XPO4: variants seen among roughly 807,000 people sequenced by gnomAD.
The protein encoded by XPO4 is exportin-4.
A neutral mutation model predicts 143.0 loss-of-function variants in XPO4; 39 were observed. The observed-to-expected ratio is 0.27, with a 90% CI of 0.21 to 0.36. The LOEUF (loss-of-function observed/expected upper bound fraction) is 0.36, where lower values mean the gene tolerates loss of function less well. Among genes scored for constraint, XPO4 ranks in the 10% least tolerant of loss-of-function variants. The probability of loss-of-function intolerance (pLI) is 1.00; values close to 1 mark genes in which losing one functional copy is unlikely to be tolerated. For synonymous variants in XPO4, 439 were observed against 474.0 expected (o/e 0.93, Z 0.96); for missense variants, 907 against 1,348.0 (o/e 0.67, Z 5.12).
At position 20,809,320 on chromosome 13, in the gene XPO4, C is replaced by T. The variant is rs528394078; in HGVS notation, c.1351-95G>A. ...ATAACATAGCTTAGATAGCTAAGCACTGCATAGCAAAAGGAGAGGGGACAC... is the reference window on the plus strand; with the variant it reads ...ATAACATAGCTTAGATAGCTAAGCATTGCATAGCAAAAGGAGAGGGGACAC... On this transcript the variant is annotated intron_variant, in intron 10 of 22. Coordinates refer to ENST00000255305, the MANE Select transcript of XPO4 (RefSeq NM_022459.5). The T allele has an allele frequency of 1.3e-4, 191 of 1,423,860 alleles. 1 individual carries two copies. The highest frequency in any genetic ancestry group is 5.4e-4 in the Middle Eastern group (3 of 5,522). The allele number at this position is 1,423,860 out of a possible 1,614,324, so 88.2% of individuals were successfully genotyped here.
At position 20,818,283 on chromosome 13, in the gene XPO4, C is replaced by T. The variant is rs144938134; in HGVS notation, c.1173+3421G>A. 2.5e-3 allele frequency among the ~76,000 whole-genome samples: 384 copies of T among 152,250 alleles called. 1 individual carries two copies. Among genetic ancestry groups the T allele is most frequent in the African/African-American group, 8.2e-3 (342 of 41,550 alleles). ...CAGAATTGCTCTTTGTGAACACAGA[C>T]TCTCAGTTAACTGCAAGTCAGAGTA... On this transcript the variant is annotated intron_variant, in intron 9 of 22. Coordinates refer to ENST00000255305, the MANE Select transcript of XPO4 (RefSeq NM_022459.5).
intron 10 of XPO4, 71 bp downstream of exon 10, chr13:20,809,720 T>TA: frequency 6.9e-7 from 1 of 1,458,998 alleles, no homozygotes; most frequent in South Asian, 1.6e-5. Context: ...TGGCATTATA[T>TA]AATGTGTAAC....
chr13:20,859,692 G>C (rs112221913), intron 3 of XPO4: 1 of 198,008 alleles, frequency 5.1e-6, no homozygotes, highest in Non-Finnish European at 9.0e-6. Context: ...CAGGAGAATC[G>C]CATGAACCCA....
intron 1 of XPO4, among the ~76,000 whole-genome samples, chr13:20,900,306 C>A (rs1177632037): frequency 6.6e-6 from 1 of 151,936 alleles, no homozygotes; most frequent in Non-Finnish European, 1.5e-5. Context: ...ATCGCTTGAA[C>A]CCGGGAGGCG....
intron 4 of XPO4, among the ~76,000 whole-genome samples, chr13:20,847,155 T>C (rs1042720012): frequency 5.9e-5 from 9 of 152,182 alleles, no homozygotes; most frequent in Admixed American, 5.9e-4. Flanking sequence ...GCCAAATGAA[T>C]AGAGACTCCT....
rs1459757910 is a variant in XPO4 at position 20,849,274 on chromosome 13, A to G, written c.457-5388T>C. 3 of 985,450 alleles carry G rather than the reference A, an allele frequency of 3.0e-6. No individual in the cohort carries two copies. In the East Asian group the frequency reaches 3.4e-4, roughly 112 times the overall value. 61.0% of individuals were successfully genotyped at this position (985,450 alleles called of 1,614,324 possible). On this transcript the variant is annotated intron_variant, in intron 4 of 22. Coordinates refer to ENST00000255305, the MANE Select transcript of XPO4 (RefSeq NM_022459.5). Reference sequence around the variant, plus strand: ...AAACATCAATGAGACTTATGATAAGAGAGATTAACTTGGCTATCACATCCA... The same window carrying G: ...AAACATCAATGAGACTTATGATAAGGGAGATTAACTTGGCTATCACATCCA...
intron 18 of XPO4, among the ~76,000 whole-genome samples, chr13:20,794,334 C>A (rs1438976512): frequency 7.2e-6 from 1 of 139,578 alleles, no homozygotes; most frequent in Non-Finnish European, 1.5e-5. Context: ...GAATAAGAAT[C>A]CAAGAAAATG....
At chr13:20,805,894 A>G (rs1212263535) in intron 13 of XPO4, among the ~76,000 whole-genome samples, 1 of 151,636 alleles carries the variant, frequency 6.6e-6, no homozygotes, top group Non-Finnish European at 1.5e-5. Context: ...TAAATTTCAT[A>G]TTAATTCTTT....
chr13:20,899,855 T>A lies in XPO4; in HGVS notation c.69+2815A>T, dbSNP rs75162888. On this transcript the variant is annotated intron_variant, in intron 1 of 22. Coordinates refer to ENST00000255305, the MANE Select transcript of XPO4 (RefSeq NM_022459.5). ...TTCAGACCCACAGATGGATAAATGC[T>A]AAGATCACTCTGTTTAAAATATGTA... Among the ~76,000 whole-genome samples the A allele has an allele frequency of 2.8e-3, 423 of 152,340 alleles. 6 individuals are homozygous for A. The highest frequency in any genetic ancestry group is 0.01 in the East Asian group (53 of 5,184).
In XPO4 at chr13:20,781,139, T is replaced by G. The variant is rs558778181; in HGVS notation, c.*2583A>C. 6 of 152,306 alleles carry G rather than the reference T, an allele frequency of 3.9e-5. No homozygotes were observed. In the South Asian group the frequency reaches 1.2e-3, roughly 32 times the overall value. The allele number at this position is 152,306 out of a possible 1,614,324, so 9.4% of individuals were successfully genotyped here. ...GAGGGCACAAATAATGTTTTTGTTT[T>G]AAAAAATATTTTAACAACAGTTTTA... is the stretch of plus-strand genomic sequence containing the variant. On this transcript the variant is annotated 3_prime_UTR_variant, in exon 23 of 23. Transcript: ENST00000255305.
chr13:20,847,688 T>C (rs2060041622), intron 4 of XPO4, among the ~76,000 whole-genome samples: 1 of 152,178 alleles, frequency 6.6e-6, no homozygotes, highest in Non-Finnish European at 1.5e-5. Context: ...AGACAGTGGC[T>C]CTGATACTTA....
At chr13:20,851,915 CA>C in intron 4 of XPO4, 1 of 985,192 alleles carries the variant, frequency 1.0e-6, no homozygotes, top group African/African-American at 1.7e-5. Flanking sequence ...TCAGTGGCTC[CA>C]AAAAAATCCA....
At position 20,788,063 on chromosome 13, in the gene XPO4, T is replaced by TTG. The variant is rs556443286; in HGVS notation, c.3047+422_3047+423insCA. On this transcript the variant is annotated intron_variant, in intron 20 of 22. Transcript: ENST00000255305. ...GACAGTTTTTTGTTTTTTTGTTTTT[T>TTG]TTTTTTTTTGAGATGGAGTTTCACT... Among the ~76,000 whole-genome samples, 182 of 151,466 alleles carry TTG rather than the reference T, an allele frequency of 1.2e-3. 1 individual carries two copies. The highest frequency in any genetic ancestry group is 4.2e-3 in the African/African-American group (172 of 41,352).
chr13:20,809,362 C>A, intron 10 of XPO4, 137 bp from the exon 11 acceptor site: 1 of 1,075,548 alleles, frequency 9.3e-7, no homozygotes, highest in African/African-American at 1.6e-5. Flanking sequence ...CCTTTGAGCA[C>A]AGCTATCTAG....
At chr13:20,795,009 A>T (rs1488838108) in intron 18 of XPO4, among the ~76,000 whole-genome samples, 14 of 139,096 alleles carry the variant, frequency 1.0e-4, no homozygotes, top group African/African-American at 3.1e-4. Flanking sequence ...CAAGAATTTA[A>T]AAAAAAAAAA....
chr13:20,848,227 T>G, intron 4 of XPO4: 6 of 977,414 alleles, frequency 6.1e-6, no homozygotes, highest in Non-Finnish European at 7.3e-6. Context: ...TTATTAAAAT[T>G]ACATCTAAAA....
At chr13:20,879,516 T>C (rs993419339) in intron 1 of XPO4, among the ~76,000 whole-genome samples, 4 of 152,202 alleles carry the variant, frequency 2.6e-5, no homozygotes, top group Admixed American at 6.5e-5. Flanking sequence ...ACCTAGGCAC[T>C]TGGAGGAATC....
At chr13:20,790,737 AG>A (rs1244182196) in intron 18 of XPO4, among the ~76,000 whole-genome samples, 157 bp from the exon 19 acceptor site, 1 of 152,200 alleles carries the variant, frequency 6.6e-6, no homozygotes. Context: ...GTCTCTGGTG[AG>A]GGGATGGAGG....
intron 3 of XPO4, among the ~76,000 whole-genome samples, chr13:20,860,915 C>T (rs1351863999): frequency 2.0e-5 from 3 of 149,412 alleles, no homozygotes; most frequent in Non-Finnish European, 3.0e-5. Context: ...TGCCTTTGTT[C>T]TCTCCTGTAT....
Sources: allele counts gnomAD v4.1 joint callset (sites outside exome capture counted in the v4.1 genomes callset), GRCh38; gene constraint gnomAD v4.1.1; transcripts MANE v1.5; gene names NCBI Gene and HGNC (gene_info 2026-07-23, HGNC 2026-07-21).